Variants in LMF1 observed in about 807,000 individuals in gnomAD.
LMF1 encodes the protein lipase maturation factor 1.
A neutral mutation model predicts 60.6 loss-of-function variants in LMF1; 68 were observed. That is an observed-to-expected ratio of 1.12 (90% CI 0.92 to 1.37). The LOEUF is 1.37. LMF1 is among the 40% of genes most tolerant of loss of function. The pLI is 0.00. For synonymous variants in LMF1, 418 were observed against 324.7 expected, an observed-to-expected ratio of 1.29 and a Z score of -3.09; for missense variants, 948 against 767.2, an observed-to-expected ratio of 1.24 and a Z score of -2.78.
At chr16:926,108 C>T (rs970514162) in intron 3 of LMF1, among the ~76,000 whole-genome samples, 4 of 151,340 alleles carry the variant, frequency 2.6e-5, no homozygotes, top group African/African-American at 9.7e-5. Context: ...TGCACGTTTG[C>T]ATATGATCTG....
chr16:971,210 T>G (rs1473704213), upstream of LMF1, among the ~76,000 whole-genome samples: 2 of 152,158 alleles, frequency 1.3e-5, no homozygotes, highest in East Asian at 3.9e-4. Context: ...TGGGCGCTGC[T>G]GCGGGTAGGG....
chr16:976,485 T>A (rs547596954), intron 1 of LMF1: 1 of 454,076 alleles, frequency 2.2e-6, no homozygotes, highest in East Asian at 6.9e-5. Context: ...TGGGCCTCCC[T>A]CGACGGAAGG....
At chr16:864,920 C>T (rs1315826904) in intron 10 of LMF1, among the ~76,000 whole-genome samples, 2 of 152,144 alleles carry the variant, frequency 1.3e-5, no homozygotes, top group East Asian at 1.9e-4. Context: ...CTGCACCTGG[C>T]CAATCTTTAT....
intron 3 of LMF1, among the ~76,000 whole-genome samples, chr16:919,080 C>T (rs748189211): frequency 3.0e-4 from 46 of 152,216 alleles, no homozygotes; most frequent in Non-Finnish European, 5.3e-4. Flanking sequence ...GGCATGTCGG[C>T]GTGGACTCCC....
At chr16:956,882 C>G (rs8059304) in intron 1 of LMF1, among the ~76,000 whole-genome samples, 9 of 135,240 alleles carry the variant, frequency 6.7e-5, no homozygotes, top group East Asian at 4.4e-4. Flanking sequence ...GGGTCGGGCA[C>G]GGTGGCTCAC....
intron 10 of LMF1, among the ~76,000 whole-genome samples, chr16:859,522 C>T (rs1475563071): frequency 3.5e-4 from 13 of 37,420 alleles, no homozygotes; most frequent in Non-Finnish European, 3.6e-4. Flanking sequence ...TGTCACGGGA[C>T]GGGTGTGAGT....
chr16:879,645 C>G lies in LMF1; in HGVS notation c.822G>C (p.Glu274Asp), dbSNP rs776141708. 1.2e-6 allele frequency: 2 copies of G among 1,613,204 alleles called. No homozygotes were observed. The highest frequency in any genetic ancestry group is 1.1e-5 in the South Asian group (1 of 90,864). The change falls in exon 6 of 11, where the codon GAG (glutamate) becomes GAC (aspartate). Residue 274 changes from glutamate to aspartate, a missense_variant. Physicochemically the swap from Glu to Asp is conservative, Grantham distance 45. Transcript: ENST00000262301. The stretch of plus-strand genomic sequence containing the variant: ...GGAAGAGGAAGAAGGGCACCAGGAG[C>G]TCGATGAAGTGGTTGCTGAGCGTCT... ...RFETLSNHFIELLVPFFLFLG... is the reference protein window; with the variant it reads ...RFETLSNHFIDLLVPFFLFLG...
chr16:862,120 C>T, intron 10 of LMF1, among the ~76,000 whole-genome samples: 1 of 152,092 alleles, frequency 6.6e-6, no homozygotes, highest in South Asian at 2.1e-4. Context: ...CTGGAATAAT[C>T]CCTACTTGGT....
chr16:954,640 G>C lies in LMF1; in HGVS notation c.220C>G (p.Gln74Glu). ...YFVAFLVAFH[Q>E]NKQLIGDRGL... ...CTGTCACCGATGAGCTGCTTGTTCTGATGGAAAGCCACCAGGAATGCCACG... is the reference window on the plus strand; with the variant it reads ...CTGTCACCGATGAGCTGCTTGTTCTCATGGAAAGCCACCAGGAATGCCACG... Residue 74 changes from glutamine (Q) to glutamate (E), a missense_variant, in exon 2 of 11, where the codon CAG becomes GAG. By Grantham distance (29) the Gln-to-Glu change is conservative. Transcript: ENST00000262301. 5.6e-6 allele frequency: 9 copies of C among 1,601,518 alleles called. No homozygotes were observed. Among genetic ancestry groups the C allele is most frequent in the Non-Finnish European group, 7.7e-6 (9 of 1,171,950 alleles).
intron 3 of LMF1, among the ~76,000 whole-genome samples, chr16:924,523 C>G (rs771357600): frequency 6.6e-6 from 1 of 152,154 alleles, no homozygotes; most frequent in Non-Finnish European, 1.5e-5. Context: ...GTGGCATTTT[C>G]GAAGCATTTC....
intron 3 of LMF1, chr16:921,265 T>G (rs2071422453): frequency 6.6e-6 from 1 of 152,394 alleles, no homozygotes; most frequent in South Asian, 2.1e-4. Flanking sequence ...CTGCTTCCAC[T>G]GGGGCATTCT....
chr16:916,510 C>T (rs190916588), intron 3 of LMF1, among the ~76,000 whole-genome samples: 139 of 152,316 alleles, frequency 9.1e-4, no homozygotes, highest in African/African-American at 3.1e-3. Context: ...TGCACTATCA[C>T]GGAACAGGGG....
intron 3 of LMF1, among the ~76,000 whole-genome samples, chr16:930,501 T>C (rs188711893): frequency 6.6e-6 from 1 of 151,696 alleles, no homozygotes; most frequent in Non-Finnish European, 1.5e-5. Flanking sequence ...GTCAAGGAGC[T>C]GAGATTGCAC....
At position 870,896 on chromosome 16, in the gene LMF1, G is replaced by C. The variant is rs1162331303; in HGVS notation, c.1079-14C>G. On this transcript the variant is annotated splice_polypyrimidine_tract_variant and intron_variant, in intron 7 of 10. Transcript: ENST00000262301. ...GCACCACGGAGCCTGGCAGGGGAGT[G>C]ACATCTTCCAGGTGGGGCTCCCAGC... The C allele has an allele frequency of 6.3e-7, 1 of 1,596,822 alleles. No individual in the cohort carries two copies. The highest frequency in any genetic ancestry group is 1.3e-5 in the African/African-American group (1 of 74,880).
intron 1 of LMF1, among the ~76,000 whole-genome samples, chr16:959,649 G>A (rs1235483249): frequency 1.3e-5 from 2 of 152,224 alleles, no homozygotes; most frequent in Non-Finnish European, 2.9e-5. Flanking sequence ...TCCGGAAAAT[G>A]TTCTGAGTGG....
At chr16:909,459 G>A (rs2071050663) in intron 4 of LMF1, among the ~76,000 whole-genome samples, 1 of 151,646 alleles carries the variant, frequency 6.6e-6, no homozygotes, top group Non-Finnish European at 1.5e-5. Context: ...ATGCGCTACA[G>A]CGAGCCACGC....
At chr16:922,400 G>C (rs1034262981) in intron 3 of LMF1, among the ~76,000 whole-genome samples, 1 of 152,230 alleles carries the variant, frequency 6.6e-6, no homozygotes, top group Non-Finnish European at 1.5e-5. Flanking sequence ...GCGGCCACTG[G>C]GGAACTGATC....
intron 2 of LMF1, among the ~76,000 whole-genome samples, chr16:937,117 A>G (rs563542808): frequency 1.3e-5 from 2 of 152,294 alleles, no homozygotes; most frequent in Non-Finnish European, 2.9e-5. Context: ...GTGTTCGAAA[A>G]TGCATTCTTC....
At chr16:869,517 T>C in intron 9 of LMF1, 1 of 560,516 alleles carries the variant, frequency 1.8e-6, no homozygotes, top group South Asian at 1.5e-5. Context: ...CTGCAGCGGT[T>C]GGGCTCAATC....
Sources: allele counts gnomAD v4.1 joint callset (sites outside exome capture counted in the v4.1 genomes callset), GRCh38; gene constraint gnomAD v4.1.1; transcripts MANE v1.5; gene names NCBI Gene and HGNC (gene_info 2026-07-23, HGNC 2026-07-21).